VAV1: variants seen among roughly 807,000 people sequenced by gnomAD.
VAV1 encodes proto-oncogene vav.
A neutral mutation model predicts 128.1 loss-of-function variants in VAV1; 33 were observed. The ratio of observed to expected loss-of-function variants is 0.26; its 90% confidence interval spans 0.20 to 0.34. The LOEUF is 0.34. Ranked by LOEUF, VAV1 falls within the 10% of genes least tolerant of loss-of-function variation. The pLI is 1.00. For missense variants in VAV1, 715 were observed against 1,093.7 expected, an observed-to-expected ratio of 0.65 and a Z score of 4.88; for synonymous variants, 394 against 409.8, an observed-to-expected ratio of 0.96 and a Z score of 0.47.
intron 22 of VAV1, among the ~76,000 whole-genome samples, chr19:6,845,477 T>C (rs1972498830): frequency 1.3e-5 from 2 of 152,022 alleles, no homozygotes; most frequent in African/African-American, 4.8e-5. Flanking sequence ...TACTGGCATT[T>C]CTATTTCTAT....
intron 9 of VAV1, among the ~76,000 whole-genome samples, chr19:6,827,571 G>A (rs1471541128): frequency 1.3e-5 from 2 of 152,028 alleles, no homozygotes; most frequent in Non-Finnish European, 2.9e-5. Context: ...ATCGTGCCCA[G>A]CCTCTTCCCA....
At chr19:6,856,917 G>A (rs1023127073) in intron 26 of VAV1, 137 bp from the exon 27 acceptor site, 7 of 705,600 alleles carry the variant, frequency 9.9e-6, no homozygotes, top group Non-Finnish European at 1.8e-5. Context: ...TGTACGTTGG[G>A]TGATGTGTTT....
chr19:6,848,875 C>T (rs1972593435), intron 23 of VAV1, among the ~76,000 whole-genome samples: 2 of 150,256 alleles, frequency 1.3e-5, no homozygotes, highest in Admixed American at 1.3e-4. Flanking sequence ...CTCACTGCAA[C>T]CTCTGCCTCC....
chr19:6,794,561 A>G (rs1426972966), intron 1 of VAV1, among the ~76,000 whole-genome samples: 3 of 152,180 alleles, frequency 2.0e-5, no homozygotes, highest in Non-Finnish European at 2.9e-5. Context: ...CAAGAGACCA[A>G]TGCCGTTGAG....
chr19:6,834,142 C>T (rs958250867), intron 19 of VAV1, among the ~76,000 whole-genome samples, 189 bp downstream of exon 19: 18 of 151,792 alleles, frequency 1.2e-4, no homozygotes, highest in African/African-American at 2.9e-4. Context: ...CACACCACCA[C>T]GCCTAGCTAA....
At chr19:6,774,508 C>T (rs1970578085) in intron 1 of VAV1, among the ~76,000 whole-genome samples, 1 of 143,488 alleles carries the variant, frequency 7.0e-6, no homozygotes. Context: ...GATCTCAGCT[C>T]ACTGCAACCT....
chr19:6,814,698 T>C lies in VAV1; in HGVS notation c.205-6004T>C, dbSNP rs551838003. 3.1e-3 allele frequency among the ~76,000 whole-genome samples: 413 copies of C among 131,254 alleles called. 12 individuals are homozygous for C. Among genetic ancestry groups the C allele is most frequent in the African/African-American group, 0.012 (377 of 30,346 alleles). 86.1% of individuals were successfully genotyped at this position (131,254 alleles called of 152,430 possible). On this transcript the variant is annotated intron_variant, in intron 1 of 26. Transcript: ENST00000602142. ...TTTCTTTCTTTCTTTCTTTCTTTCT[T>C]TCTTTCTTTCTTTCTTTCTTTCTTT...
intron 1 of VAV1, among the ~76,000 whole-genome samples, chr19:6,818,801 C>T (rs1281746757): frequency 6.6e-6 from 1 of 152,054 alleles, no homozygotes; most frequent in Non-Finnish European, 1.5e-5. Context: ...GAGGAACCTA[C>T]AAATATCTAG....
intron 1 of VAV1, among the ~76,000 whole-genome samples, chr19:6,780,904 C>G (rs1970755676): frequency 6.7e-6 from 1 of 149,756 alleles, no homozygotes; most frequent in African/African-American, 2.4e-5. Flanking sequence ...ATATTTTATA[C>G]AAAGATTTCT....
At chr19:6,851,989 A>G (rs1412043216) in intron 24 of VAV1, among the ~76,000 whole-genome samples, 1 of 152,102 alleles carries the variant, frequency 6.6e-6, no homozygotes, top group Non-Finnish European at 1.5e-5. Context: ...GGTAGTGAGT[A>G]TCTATGAACC....
chr19:6,853,809 C>G, intron 25 of VAV1, 138 bp from the exon 26 acceptor site: 4 of 1,048,986 alleles, frequency 3.8e-6, no homozygotes, highest in Non-Finnish European at 5.5e-6. Context: ...CCTTACAGTA[C>G]AGGGCATCTA....
At chr19:6,831,930 A>T (rs1599665336) in intron 14 of VAV1, among the ~76,000 whole-genome samples, 161 bp from the exon 15 acceptor site, 2 of 150,008 alleles carry the variant, frequency 1.3e-5, no homozygotes, top group African/African-American at 2.5e-5. Context: ...GTGTATTTGG[A>T]TATCCTAGAA....
chr19:6,855,404 C>T (rs2144837963), intron 26 of VAV1, among the ~76,000 whole-genome samples: 2 of 152,070 alleles, frequency 1.3e-5, no homozygotes, highest in African/African-American at 4.8e-5. Flanking sequence ...ATCCATCTAT[C>T]CATCCATCCA....
chr19:6,819,936 T>G (rs1362171028), intron 1 of VAV1, among the ~76,000 whole-genome samples: 2 of 152,252 alleles, frequency 1.3e-5, no homozygotes, highest in African/African-American at 2.4e-5. Context: ...AGCTGTTTCA[T>G]TAGTTAATAT....
At chr19:6,815,562 G>C (rs1971626872) in intron 1 of VAV1, among the ~76,000 whole-genome samples, 1 of 152,148 alleles carries the variant, frequency 6.6e-6, no homozygotes, top group Non-Finnish European at 1.5e-5. Flanking sequence ...ATAGACTGTG[G>C]CAGCAATTGA....
chr19:6,806,588 G>A (rs1217960924), intron 1 of VAV1, among the ~76,000 whole-genome samples: 1 of 152,272 alleles, frequency 6.6e-6, no homozygotes, highest in East Asian at 1.9e-4. Context: ...AGTTGCTCCA[G>A]ACCGCCTAAC....
intron 14 of VAV1, 134 bp downstream of exon 14, chr19:6,830,052 TG>T: frequency 7.2e-7 from 1 of 1,394,022 alleles, no homozygotes; most frequent in Non-Finnish European, 9.7e-7. Context: ...AGGTGTTTTT[TG>T]TTTGTTTGTT....
chr19:6,807,455 GGCTCAGGTGGTAAT>G (rs113737149), intron 1 of VAV1, among the ~76,000 whole-genome samples: 3 of 152,182 alleles, frequency 2.0e-5, no homozygotes, highest in African/African-American at 7.2e-5. Flanking sequence ...CAGGAGGTGG[GGCTCAGGTGGTAAT>G]GCGAGCAATG....
Position 6,822,388 on chromosome 19 carries a change from C to A in VAV1, c.559-31C>A. The A allele has an allele frequency of 6.4e-7, 1 of 1,553,626 alleles. No individual in the cohort carries two copies. Among genetic ancestry groups the A allele is most frequent in the Non-Finnish European group, 8.7e-7 (1 of 1,149,782 alleles). ...CGTGGGCGGGGGGCAGCCCCAGGCC[C>A]CCCAACACCGGCCTCTCCCCTCGCT... On this transcript the variant is annotated intron_variant, in intron 5 of 26. Transcript: ENST00000602142. The surrounding 1 kb of genome is among the most constrained non-coding windows in gnomAD (Gnocchi z 5.9).
Sources: gnomAD v4.1 joint callset for allele counts (sites outside exome capture counted in the v4.1 genomes callset) on GRCh38, gnomAD v4.1.1 for gene constraint, Gnocchi (gnomAD v3.1) non-coding constraint, MANE v1.5 for transcripts, NCBI Gene and HGNC (gene_info 2026-07-23, HGNC 2026-07-21) for gene names.